KIF24: variants seen among roughly 807,000 people sequenced by gnomAD.
The protein encoded by KIF24 is kinesin-like protein KIF24.
Under a neutral mutation model 118.9 loss-of-function variants are expected in KIF24, and 81 were observed. That is an observed-to-expected ratio of 0.68 (90% confidence interval 0.57 to 0.82). The LOEUF is 0.82. Ranked by LOEUF, KIF24 falls within the 40% of genes least tolerant of loss-of-function variation. The pLI, the probability that KIF24 is intolerant of heterozygous loss-of-function variation, is 0.00. For missense variants in KIF24, 1,560 were observed against 1,661.6 expected (o/e 0.94, Z 1.06); for synonymous variants, 599 against 610.0 (o/e 0.98, Z 0.27).
At chr9:34,285,168 T>C (rs1441980447) in intron 6 of KIF24, among the ~76,000 whole-genome samples, 1 of 152,164 alleles carries the variant, frequency 6.6e-6, no homozygotes, top group African/African-American at 2.4e-5. Context: ...GTATGACTTT[T>C]ATTACAATAA....
intron 2 of KIF24, among the ~76,000 whole-genome samples, chr9:34,309,130 T>C (rs1457506119): frequency 2.0e-5 from 3 of 151,862 alleles, no homozygotes; most frequent in Non-Finnish European, 4.4e-5. Flanking sequence ...ATAAATGAAA[T>C]GGTAATGGTT....
upstream of KIF24, chr9:34,329,463 G>T (rs1351778468): frequency 6.6e-6 from 1 of 152,224 alleles, no homozygotes; most frequent in Non-Finnish European, 1.5e-5. Context: ...TTCAGTGTGA[G>T]ACGCGCACCT....
Position 34,269,321 on chromosome 9 carries a change from T to C in KIF24, c.1379A>G (p.Asp460Gly). Residue 460 changes from aspartate to glycine, a missense_variant, in exon 8 of 13, where the codon GAT becomes GGT. This residue lies in a region of KIF24 where 964 missense variants were observed against 988.0 expected (regional missense o/e 0.98). Transcript: ENST00000402558. Reference protein sequence around the residue: ...IDLAGSERAADARDSDRQTKM... With the variant: ...IDLAGSERAAGARDSDRQTKM... ...TGTCTGTCTATCTGAGTCCCTTGCA[T>C]CTGCTGCTCTTTCACTGCCAGCCAA... 1 of 1,611,826 alleles carries C rather than the reference T, an allele frequency of 6.2e-7. No homozygotes were observed. The highest frequency in any genetic ancestry group is 8.5e-7 in the Non-Finnish European group (1 of 1,178,390).
chr9:34,257,890 TC>T lies in KIF24; in HGVS notation c.1716del (p.Ser573AlafsTer39). Reference sequence around the variant, plus strand: ...TCCTCTGACAAAGCCCCAGGGGAGCTCTGAATTCGTTTTGGAGAGGAGTTTC... The same window carrying T: ...TCCTCTGACAAAGCCCCAGGGGAGCTTGAATTCGTTTTGGAGAGGAGTTTC... ...TSGNSSPKRIQSSPGALSEDK... is the reference protein window; with the variant it reads ...TSGNSSPKRIXSSPGALSEDK... On this transcript the variant is annotated frameshift_variant, in exon 11 of 13. Transcript: ENST00000402558. LOFTEE classifies it high-confidence loss of function. The T allele has an allele frequency of 6.2e-7, 1 of 1,613,996 alleles. No homozygotes were observed.
upstream of KIF24, among the ~76,000 whole-genome samples, chr9:34,330,715 C>A (rs1234432606): frequency 1.3e-5 from 2 of 151,730 alleles, no homozygotes; most frequent in Non-Finnish European, 2.9e-5. Flanking sequence ...TAATCCTAGC[C>A]CTTTGGGAGG....
chr9:34,319,584 C>A, intron 1 of KIF24: 2 of 1,020,750 alleles, frequency 2.0e-6, no homozygotes, highest in East Asian at 4.9e-5. Flanking sequence ...GTGGGACACC[C>A]AGAGCGGCTC....
At chr9:34,301,510 A>G (rs1288823424) in intron 3 of KIF24, among the ~76,000 whole-genome samples, 1 of 152,150 alleles carries the variant, frequency 6.6e-6, no homozygotes, top group African/African-American at 2.4e-5. Flanking sequence ...TCGGACTCCC[A>G]AAGTGCAGTT....
At chr9:34,269,557 C>G (rs1178650557) in intron 7 of KIF24, among the ~76,000 whole-genome samples, 195 bp from the exon 8 acceptor site, 1 of 151,986 alleles carries the variant, frequency 6.6e-6, no homozygotes, top group Non-Finnish European at 1.5e-5. Flanking sequence ...GTAGCTGGGA[C>G]TACAGGCGCC....
intron 6 of KIF24, among the ~76,000 whole-genome samples, chr9:34,286,392 A>G (rs1402334719): frequency 6.6e-6 from 1 of 152,150 alleles, no homozygotes; most frequent in East Asian, 1.9e-4. Flanking sequence ...CCAATGAATT[A>G]AGTTCTCCCA....
At chr9:34,319,630 T>C (rs1328249870) in intron 1 of KIF24, 1 of 883,296 alleles carries the variant, frequency 1.1e-6, no homozygotes, top group African/African-American at 1.6e-5. Context: ...CGGCCTAAGG[T>C]TGACAAGATG....
intron 10 of KIF24, among the ~76,000 whole-genome samples, chr9:34,258,494 T>C (rs1188634756): frequency 1.3e-5 from 2 of 152,118 alleles, no homozygotes; most frequent in African/African-American, 4.8e-5. Context: ...GAAAGAACAG[T>C]GTCTTCTCTG....
chr9:34,320,385 G>C (rs866773657), intron 1 of KIF24, among the ~76,000 whole-genome samples: 2 of 150,556 alleles, frequency 1.3e-5, no homozygotes, highest in South Asian at 4.2e-4. Context: ...CAGCCAGGCA[G>C]GGTGGCTCGT....
chr9:34,317,453 C>T (rs2131825625), intron 1 of KIF24, among the ~76,000 whole-genome samples: 1 of 152,018 alleles, frequency 6.6e-6, no homozygotes, highest in Middle Eastern at 3.4e-3. Context: ...ATGTAAGTTA[C>T]AGTAGTACCT....
chr9:34,305,731 G>A (rs1267420639), intron 3 of KIF24, among the ~76,000 whole-genome samples: 4 of 152,022 alleles, frequency 2.6e-5, no homozygotes, highest in African/African-American at 9.7e-5. Context: ...AGCCTCCTGA[G>A]TAGTTAAGAC....
At chr9:34,276,297 G>A (rs1835657425) in intron 6 of KIF24, among the ~76,000 whole-genome samples, 1 of 151,400 alleles carries the variant, frequency 6.6e-6, no homozygotes, top group African/African-American at 2.4e-5. Context: ...AGCTACTCAG[G>A]AGGCTGAGGC....
rs376517927 is a variant in KIF24, at chr9:34,257,345, C to T, written c.2262G>A (p.Pro754=). The part of the protein sequence containing the change: ...RPASEAWTNI[P]PHQKEREEHL... ...GTTCCTCCCTCTCCTTCTGATGTGG[C>T]GGGATGTTTGTCCAAGCTTCAGAGG... Residue 754 remains proline (P), a synonymous_variant, in exon 11 of 13, where the codon CCG becomes CCA. Transcript: ENST00000402558. 8.1e-6 allele frequency: 13 copies of T among 1,613,880 alleles called. 1 individual carries two copies. The highest frequency in any genetic ancestry group is 1.6e-4 in the Middle Eastern group (1 of 6,084).
At chr9:34,280,711 G>C (rs762411870) in intron 6 of KIF24, among the ~76,000 whole-genome samples, 1 of 152,070 alleles carries the variant, frequency 6.6e-6, no homozygotes, top group Non-Finnish European at 1.5e-5. Context: ...GACACACTCG[G>C]GCGCTATACT....
intron 6 of KIF24, among the ~76,000 whole-genome samples, chr9:34,279,982 A>T (rs745793596): frequency 8.5e-5 from 13 of 152,154 alleles, no homozygotes; most frequent in Non-Finnish European, 1.5e-4. Flanking sequence ...TAGGAACCAT[A>T]CTTTAGAATA....
At chr9:34,310,283 C>G (rs1214678028) in intron 2 of KIF24, among the ~76,000 whole-genome samples, 1 of 152,038 alleles carries the variant, frequency 6.6e-6, no homozygotes, top group Non-Finnish European at 1.5e-5. Flanking sequence ...AAACTACATG[C>G]CCTTGTTTTT....
Sources: gnomAD v4.1 joint callset for allele counts (sites outside exome capture counted in the v4.1 genomes callset) on GRCh38, gnomAD v4.1.1 for gene constraint, gnomAD v4.1.1 regional missense constraint, MANE v1.5 for transcripts, NCBI Gene and HGNC (gene_info 2026-07-23, HGNC 2026-07-21) for gene names.